The following DPP10 variants were observed in gnomAD, a reference collection of about 807,000 sequenced individuals.
The protein encoded by DPP10 is dipeptidyl peptidase like 10, also known as inactive dipeptidyl peptidase 10.
In DPP10, 33 loss-of-function variants were observed where a neutral mutation model predicts 120.9. That is an observed-to-expected ratio of 0.27 (90% CI 0.21 to 0.37). The LOEUF is 0.37. DPP10 is among the 10% of genes least tolerant of loss of function. The probability of loss-of-function intolerance (pLI) is 1.00; values close to 1 mark genes in which losing one functional copy is unlikely to be tolerated. For missense variants in DPP10, 816 were observed against 942.8 expected, an observed-to-expected ratio of 0.87 and a Z score of 1.76; for synonymous variants, 337 against 326.1, an observed-to-expected ratio of 1.03 and a Z score of -0.36.
At chr2:115,664,568 C>A (rs535748424) in intron 5 of DPP10, among the ~76,000 whole-genome samples, 1 of 151,954 alleles carries the variant, frequency 6.6e-6, no homozygotes, top group Admixed American at 6.6e-5. Context: ...CTGGGGATTT[C>A]TCTGTCAAGC....
At chr2:115,825,081 A>G (rs1688176552) in intron 21 of DPP10, among the ~76,000 whole-genome samples, 1 of 152,208 alleles carries the variant, frequency 6.6e-6, no homozygotes, top group South Asian at 2.1e-4. Flanking sequence ...AGTTGCAACT[A>G]TTACGTAAAA....
At chr2:114,585,681 T>C (rs759659114) in intron 1 of DPP10, among the ~76,000 whole-genome samples, 6 of 152,158 alleles carry the variant, frequency 3.9e-5, no homozygotes, top group Admixed American at 6.5e-5. Context: ...GGACATCCGA[T>C]GGACAGTGGA....
chr2:114,768,812 C>T (rs1680979885), intron 1 of DPP10, among the ~76,000 whole-genome samples: 1 of 152,106 alleles, frequency 6.6e-6, no homozygotes, highest in South Asian at 2.1e-4. Flanking sequence ...GGTCGTTGTA[C>T]ATTCAATATT....
intron 21 of DPP10, among the ~76,000 whole-genome samples, chr2:115,824,387 G>C (rs181177186): frequency 6.6e-6 from 1 of 152,190 alleles, no homozygotes; most frequent in Admixed American, 6.5e-5. Context: ...ATGTGCCATG[G>C]TGGTTTGCTG....
At position 115,126,853 on chromosome 2, in the gene DPP10, T is replaced by C. The variant is rs546436350; in HGVS notation, c.61-182386T>C. The stretch of plus-strand genomic sequence containing the variant: ...TGCATCAATATTGAGTAGGGGGTTC[T>C]TGAAAATAACCTAAGTGGCATTTTG... On this transcript the variant is annotated intron_variant, in intron 1 of 25. Coordinates refer to ENST00000410059, the MANE Select transcript of DPP10 (RefSeq NM_020868.6). Among the ~76,000 whole-genome samples, 3 of 152,336 alleles carry C rather than the reference T, an allele frequency of 2.0e-5. No individual in the cohort carries two copies. In the South Asian group the frequency reaches 6.2e-4, roughly 32 times the overall value.
At chr2:115,655,538 C>G (rs1044419225) in intron 5 of DPP10, among the ~76,000 whole-genome samples, 5 of 151,394 alleles carry the variant, frequency 3.3e-5, no homozygotes, top group Non-Finnish European at 7.4e-5. Flanking sequence ...TCTAATCAAC[C>G]CCATCTTCTG....
At chr2:115,535,703 C>T (rs2078782456) in intron 5 of DPP10, among the ~76,000 whole-genome samples, 1 of 150,904 alleles carries the variant, frequency 6.6e-6, no homozygotes, top group Non-Finnish European at 1.5e-5. Flanking sequence ...TTACCTTGGG[C>T]AGTATGGCCA....
intron 1 of DPP10, chr2:114,461,519 A>C (rs1193376039): frequency 2.1e-6 from 2 of 935,202 alleles, no homozygotes; most frequent in African/African-American, 3.6e-5. Flanking sequence ...TCTCCCACAC[A>C]CTCTCTTGCC....
chr2:115,631,037 C>CTTTTTTTTTTTTTTTTTTTT (rs58468918), intron 5 of DPP10, among the ~76,000 whole-genome samples: 1 of 111,354 alleles, frequency 9.0e-6, no homozygotes, highest in Non-Finnish European at 1.7e-5. Context: ...TGATCCTGGG[C>CTTTTTTTTTTTTTTTTTTTT]TTTTTTTTTT....
intron 1 of DPP10, among the ~76,000 whole-genome samples, chr2:114,583,249 T>C (rs552099073): frequency 1.1e-4 from 17 of 152,374 alleles, no homozygotes; most frequent in African/African-American, 4.1e-4. Context: ...TATATTCTGC[T>C]AAGTCCCTGC....
chr2:114,814,717 A>G (rs1208917216), intron 1 of DPP10, among the ~76,000 whole-genome samples: 2 of 152,118 alleles, frequency 1.3e-5, no homozygotes, highest in African/African-American at 4.8e-5. Context: ...CCATTGATGG[A>G]CGTTCAGCAT....
At chr2:114,702,596 A>C (rs570287363) in intron 1 of DPP10, among the ~76,000 whole-genome samples, 1 of 152,130 alleles carries the variant, frequency 6.6e-6, no homozygotes, top group East Asian at 1.9e-4. Flanking sequence ...TCCCTGGTCC[A>C]TGAGGCCATT....
At chr2:115,521,248 G>A (rs1317216104) in intron 4 of DPP10, among the ~76,000 whole-genome samples, 1 of 152,204 alleles carries the variant, frequency 6.6e-6, no homozygotes, top group African/African-American at 2.4e-5. Flanking sequence ...ACCCGGTAGA[G>A]CATGTCATTT....
chr2:115,085,047 A>T (rs781684918), intron 1 of DPP10, among the ~76,000 whole-genome samples: 42 of 152,184 alleles, frequency 2.8e-4, no homozygotes, highest in Non-Finnish European at 5.4e-4. Context: ...GTGGCAAGAG[A>T]TGGCAATAGA....
intron 1 of DPP10, among the ~76,000 whole-genome samples, chr2:114,950,130 T>C (rs1456923846): frequency 6.6e-6 from 1 of 152,296 alleles, no homozygotes; most frequent in South Asian, 2.1e-4. Context: ...TAACTAGCTA[T>C]AACTATAGTA....
intron 1 of DPP10, among the ~76,000 whole-genome samples, chr2:114,653,712 T>C (rs576589751): frequency 6.6e-6 from 1 of 152,274 alleles, no homozygotes; most frequent in African/African-American, 2.4e-5. Context: ...TACAGCTTGG[T>C]GGGCCCTGAC....
chr2:115,044,274 G>A (rs1352910135), intron 1 of DPP10, among the ~76,000 whole-genome samples: 2 of 152,132 alleles, frequency 1.3e-5, no homozygotes, highest in Non-Finnish European at 2.9e-5. Context: ...AGGTGAAGGG[G>A]AAGTAAGATG....
chr2:115,703,816 A>C (rs1331433747), intron 7 of DPP10, among the ~76,000 whole-genome samples: 1 of 152,100 alleles, frequency 6.6e-6, no homozygotes, highest in African/African-American at 2.4e-5. Flanking sequence ...CACAGTAGGT[A>C]TGACACTTCA....
chr2:114,845,094 T>C (rs1194328708), intron 1 of DPP10, among the ~76,000 whole-genome samples: 2 of 152,172 alleles, frequency 1.3e-5, no homozygotes, highest in Non-Finnish European at 2.9e-5. Context: ...CTTTCCACTG[T>C]ATCAGGCTGC....
Sources: allele counts gnomAD v4.1 joint callset (sites outside exome capture counted in the v4.1 genomes callset), GRCh38; gene constraint gnomAD v4.1.1; transcripts MANE v1.5; gene names NCBI Gene and HGNC (gene_info 2026-07-23, HGNC 2026-07-21).